LRRC28: variants seen among roughly 807,000 people sequenced by gnomAD.
LRRC28 encodes leucine rich repeat containing 28.
Under a neutral mutation model 45.7 loss-of-function variants are expected in LRRC28, and 39 were observed. The ratio of observed to expected loss-of-function variants is 0.85; its 90% CI spans 0.66 to 1.12. The LOEUF (loss-of-function observed/expected upper bound fraction) is 1.12. LRRC28 is among the 50% of genes most tolerant of loss of function. LRRC28 has a pLI of 0.00. For synonymous variants in LRRC28, 206 were observed against 178.8 expected (o/e 1.15, Z -1.22); for missense variants, 435 against 438.5 (o/e 0.99, Z 0.07).
intron 5 of LRRC28, among the ~76,000 whole-genome samples, chr15:99,316,336 CAG>C (rs1393191373): frequency 1.3e-5 from 2 of 152,164 alleles, no homozygotes; most frequent in South Asian, 2.1e-4. Context: ...CATTTCAAAA[CAG>C]AGTGCTCTTT....
Position 99,388,481 on chromosome 15 carries a change from T to A in LRRC28, c.*2379T>A, listed in dbSNP as rs968431269. 6.6e-6 allele frequency: 1 copy of A among 152,230 alleles called. No homozygotes were observed. The highest frequency in any genetic ancestry group is 2.4e-5 in the African/African-American group (1 of 41,466). 9.4% of individuals were successfully genotyped at this position (152,230 alleles called of 1,614,324 possible). A position where few individuals can be genotyped will look rare whatever the true frequency, so the allele number is the denominator to read the frequency against. On this transcript the variant is annotated 3_prime_UTR_variant, in exon 10 of 10. Transcript: ENST00000301981. ...CTTTGGGCAGTCTCAACCTTAATCC[T>A]TGGGTACAGCACCTGAACTTAATTG...
At chr15:99,308,353 T>C (rs538688002) in intron 5 of LRRC28, among the ~76,000 whole-genome samples, 1 of 152,302 alleles carries the variant, frequency 6.6e-6, no homozygotes, top group African/African-American at 2.4e-5. Flanking sequence ...AAATATTTTA[T>C]ATGATTGAAG....
At chr15:99,358,748 A>G (rs1262410718) in intron 7 of LRRC28, among the ~76,000 whole-genome samples, 1 of 152,134 alleles carries the variant, frequency 6.6e-6, no homozygotes, top group Non-Finnish European at 1.5e-5. Flanking sequence ...GTCCTATTTT[A>G]TATTATATAA....
chr15:99,271,230 G>A (rs763205378), intron 2 of LRRC28, among the ~76,000 whole-genome samples: 1 of 151,222 alleles, frequency 6.6e-6, no homozygotes, highest in South Asian at 2.1e-4. Flanking sequence ...TTATTTTCTT[G>A]TAGTGGCCTG....
chr15:99,293,151 A>G (rs907410543), intron 5 of LRRC28, among the ~76,000 whole-genome samples: 25 of 152,152 alleles, frequency 1.6e-4, no homozygotes, highest in African/African-American at 5.6e-4. Flanking sequence ...ATTTCATACA[A>G]ATTACATGCA....
chr15:99,303,703 G>A (rs752611407), intron 5 of LRRC28, among the ~76,000 whole-genome samples: 66 of 152,042 alleles, frequency 4.3e-4, no homozygotes, highest in Non-Finnish European at 8.2e-4. Context: ...GCGTGGTGGT[G>A]CATGCCTGTA....
chr15:99,285,330 C>A (rs1249159219), intron 3 of LRRC28: 1 of 741,558 alleles, frequency 1.3e-6, no homozygotes, highest in Non-Finnish European at 2.5e-6. Context: ...TTTAGTCCCA[C>A]AACTCTTCTG....
At position 99,386,755 on chromosome 15, in the gene LRRC28, A is replaced by T. The variant is rs1474445218; in HGVS notation, c.*653A>T. On this transcript the variant is annotated 3_prime_UTR_variant, in exon 10 of 10. Coordinates refer to ENST00000301981, the MANE Select transcript of LRRC28 (RefSeq NM_144598.5). The stretch of plus-strand genomic sequence containing the variant: ...TTTGTGAGGGATTTTAAAAACAAAA[A>T]TGTAGATTGTAATGAAATACACTTC... The T allele has an allele frequency of 2.0e-5, 3 of 152,230 alleles. No individual in the cohort carries two copies. The highest frequency in any genetic ancestry group is 4.4e-5 in the Non-Finnish European group (3 of 68,046). The allele number at this position is 152,230 out of a possible 1,614,324, so 9.4% of individuals were successfully genotyped here.
At chr15:99,337,103 A>G (rs1956350265) in intron 6 of LRRC28, among the ~76,000 whole-genome samples, 1 of 151,950 alleles carries the variant, frequency 6.6e-6, no homozygotes, top group African/African-American at 2.4e-5. Flanking sequence ...TGTGCCCTTC[A>G]CCTTTGCCTA....
chr15:99,333,202 A>G (rs1006665892), intron 5 of LRRC28, among the ~76,000 whole-genome samples: 1 of 152,176 alleles, frequency 6.6e-6, no homozygotes, highest in African/African-American at 2.4e-5. Context: ...GATGTATGAA[A>G]AGGACCTAAT....
chr15:99,362,876 G>A (rs1206466628), intron 8 of LRRC28, among the ~76,000 whole-genome samples: 1 of 151,898 alleles, frequency 6.6e-6, no homozygotes, highest in Non-Finnish European at 1.5e-5. Context: ...ACAGCTTCTG[G>A]CTCTTAAAAT....
chr15:99,253,814 A>G (rs1359357945), intron 1 of LRRC28, among the ~76,000 whole-genome samples: 1 of 152,208 alleles, frequency 6.6e-6, no homozygotes, highest in Non-Finnish European at 1.5e-5. Context: ...TGGTTTTGGC[A>G]GATGGAGAGA....
chr15:99,318,802 A>G (rs1955689083), intron 5 of LRRC28, among the ~76,000 whole-genome samples: 1 of 151,842 alleles, frequency 6.6e-6, no homozygotes. Flanking sequence ...TAATTGAGAG[A>G]TTTTTTTTAA....
At chr15:99,302,203 A>G (rs1955002069) in intron 5 of LRRC28, among the ~76,000 whole-genome samples, 1 of 150,808 alleles carries the variant, frequency 6.6e-6, no homozygotes, top group South Asian at 2.1e-4. Context: ...ATTTTTTTGT[A>G]TTTTTAGTAG....
At chr15:99,346,998 T>C (rs1291525823) in intron 6 of LRRC28, among the ~76,000 whole-genome samples, 1 of 152,144 alleles carries the variant, frequency 6.6e-6, no homozygotes, top group East Asian at 1.9e-4. Context: ...AATGAACATA[T>C]CTATCATCTC....
chr15:99,258,573 C>T, intron 2 of LRRC28: 1 of 743,924 alleles, frequency 1.3e-6, no homozygotes, highest in Admixed American at 2.0e-5. Flanking sequence ...AGAAGAAAAA[C>T]AGAAACCAAA....
At chr15:99,254,521 A>G (rs1567416) in intron 1 of LRRC28, among the ~76,000 whole-genome samples, 123,053 of 152,040 alleles carry the variant, frequency 0.81, 50,032 homozygotes, top group African/African-American at 0.9. Context: ...TGGGAAAAAG[A>G]GCTGAGGAAA....
chr15:99,267,132 A>G (rs2081352898), intron 2 of LRRC28, among the ~76,000 whole-genome samples: 1 of 152,214 alleles, frequency 6.6e-6, no homozygotes, highest in Non-Finnish European at 1.5e-5. Context: ...AAGCTTTCTA[A>G]TCAGCTAGTC....
intron 5 of LRRC28, among the ~76,000 whole-genome samples, chr15:99,322,061 G>A (rs115355566): frequency 2.6e-4 from 40 of 152,128 alleles, no homozygotes; most frequent in Admixed American, 2.2e-3. Context: ...ATTCCTGACC[G>A]AGGAATAGCA....
Sources: gnomAD v4.1 joint callset for allele counts (sites outside exome capture counted in the v4.1 genomes callset) on GRCh38, gnomAD v4.1.1 for gene constraint, MANE v1.5 for transcripts, NCBI Gene and HGNC (gene_info 2026-07-23, HGNC 2026-07-21) for gene names.